Variants in DDR2 observed in about 807,000 individuals in gnomAD.
DDR2 encodes discoidin domain-containing receptor 2.
DDR2 carries 27 observed loss-of-function variants against 94.9 expected under a neutral mutation model. That is an observed-to-expected ratio of 0.28 (90% CI 0.21 to 0.39). DDR2 has a LOEUF of 0.39. Ranked by LOEUF, DDR2 falls within the 10% of genes least tolerant of loss-of-function variation. The pLI, the probability that DDR2 is intolerant of heterozygous loss-of-function variation, is 1.00. For missense variants in DDR2, 783 were observed against 1,076.0 expected (o/e 0.73, Z 3.81); for synonymous variants, 382 against 377.2 (o/e 1.01, Z -0.15).
At chr1:162,691,944 G>T (rs979122651) in intron 2 of DDR2, among the ~76,000 whole-genome samples, 7 of 152,144 alleles carry the variant, frequency 4.6e-5, no homozygotes, top group African/African-American at 1.4e-4. Context: ...CACATGGTAG[G>T]CTGCAAACAA....
Position 162,782,777 on chromosome 1 carries a change from T to C in DDR2, c.*2531T>C, listed in dbSNP as rs1331081146. Reference sequence around the variant, plus strand: ...AAAAAAATCATATTTAAAATGAACTTACAATGTCTGAATTTTCCTGGCCTT... The same window carrying C: ...AAAAAAATCATATTTAAAATGAACTCACAATGTCTGAATTTTCCTGGCCTT... On this transcript the variant is annotated 3_prime_UTR_variant, in exon 18 of 18. Transcript: ENST00000367921. The C allele has an allele frequency of 6.6e-6, 1 of 152,166 alleles. No homozygotes were observed. Among genetic ancestry groups the C allele is most frequent in the African/African-American group, 2.4e-5 (1 of 41,424 alleles). The allele number at this position is 152,166 out of a possible 1,614,324, so 9.4% of individuals were successfully genotyped here. A position where few individuals can be genotyped will look rare whatever the true frequency, so the allele number is the denominator to read the frequency against.
intron 2 of DDR2, among the ~76,000 whole-genome samples, chr1:162,701,105 T>C (rs1359499578): frequency 1.3e-5 from 2 of 150,466 alleles, no homozygotes; most frequent in Non-Finnish European, 2.9e-5. Flanking sequence ...AATTTACTAA[T>C]ATATGTTTGT....
At chr1:162,661,894 A>ACTT (rs1658311360) in intron 2 of DDR2, among the ~76,000 whole-genome samples, 1 of 152,182 alleles carries the variant, frequency 6.6e-6, no homozygotes, top group South Asian at 2.1e-4. Context: ...CTTTATTCTT[A>ACTT]CTTAGTTCCT....
In DDR2 at chr1:162,784,293, A is replaced by G. The variant is rs1403488606; in HGVS notation, c.*4047A>G. ...AACAGAACAGTGAATGTTTTGCCCAAAACTACAAAAATAAAAGAAAAAAAG... is the reference window on the plus strand; with the variant it reads ...AACAGAACAGTGAATGTTTTGCCCAGAACTACAAAAATAAAAGAAAAAAAG... On this transcript the variant is annotated 3_prime_UTR_variant, in exon 18 of 18. Transcript: ENST00000367921. 6.5e-6 allele frequency: 1 copy of G among 154,372 alleles called. No individual in the cohort carries two copies. Among genetic ancestry groups the G allele is most frequent in the Non-Finnish European group, 1.5e-5 (1 of 68,214 alleles). The allele number at this position is 154,372 out of a possible 1,614,324, so 9.6% of individuals were successfully genotyped here.
chr1:162,719,331 A>G lies in DDR2; in HGVS notation c.82+186A>G, dbSNP rs765698405. 109 of 718,074 alleles carry G rather than the reference A, an allele frequency of 1.5e-4. 1 individual carries two copies. Among genetic ancestry groups the G allele is most frequent in the Non-Finnish European group, 1.8e-4 (107 of 586,170 alleles). 44.5% of individuals were successfully genotyped at this position (718,074 alleles called of 1,614,324 possible). ...ATACTTTATATATATGTATTTTAAT[A>G]CTTACAACCTGTTGAATATTGTAAA... On this transcript the variant is annotated intron_variant, in intron 3 of 17. Transcript: ENST00000367921.
At chr1:162,708,908 T>A (rs558354126) in intron 2 of DDR2, among the ~76,000 whole-genome samples, 10 of 152,146 alleles carry the variant, frequency 6.6e-5, no homozygotes, top group Non-Finnish European at 1.2e-4. Flanking sequence ...TGCCCCTAAC[T>A]TGCAAATTTA....
chr1:162,731,625 G>A (rs1165672774), intron 3 of DDR2, among the ~76,000 whole-genome samples: 1 of 152,142 alleles, frequency 6.6e-6, no homozygotes, highest in Non-Finnish European at 1.5e-5. Context: ...CCTTTCTAAG[G>A]TCATAAAACC....
chr1:162,694,061 A>G (rs1463786854), intron 2 of DDR2, among the ~76,000 whole-genome samples: 1 of 152,130 alleles, frequency 6.6e-6, no homozygotes, highest in Non-Finnish European at 1.5e-5. Flanking sequence ...TTTTTAGTAG[A>G]GATGGGGTTT....
chr1:162,771,406 A>G (rs1005572148), intron 12 of DDR2, among the ~76,000 whole-genome samples: 8 of 152,218 alleles, frequency 5.3e-5, no homozygotes, highest in African/African-American at 1.9e-4. Flanking sequence ...GATAAAAGGA[A>G]ACTTGCATCT....
intron 2 of DDR2, among the ~76,000 whole-genome samples, chr1:162,706,822 AT>A (rs776820174): frequency 7.9e-5 from 12 of 152,112 alleles, no homozygotes; most frequent in Non-Finnish European, 1.8e-4. Flanking sequence ...GAACAAACAT[AT>A]TTTCTGCACT....
intron 1 of DDR2, among the ~76,000 whole-genome samples, chr1:162,650,297 A>AAAT (rs1553238420): frequency 9.9e-5 from 15 of 151,764 alleles, no homozygotes; most frequent in Non-Finnish European, 1.9e-4. Flanking sequence ...GTTAAAAAAA[A>AAAT]AATAATAATA....
At chr1:162,737,971 C>A (rs1212280777) in intron 3 of DDR2, among the ~76,000 whole-genome samples, 1 of 152,040 alleles carries the variant, frequency 6.6e-6, no homozygotes, top group Non-Finnish European at 1.5e-5. Flanking sequence ...TGAGAAGTGT[C>A]CGTTCATGAC....
intron 5 of DDR2, 58 bp downstream of exon 5, chr1:162,754,913 A>G (rs1663384458): frequency 6.3e-7 from 1 of 1,596,770 alleles, no homozygotes; most frequent in Admixed American, 1.7e-5. Flanking sequence ...GACTTAGGCT[A>G]GGAGAAGAAG....
chr1:162,722,263 T>A (rs963147279), intron 3 of DDR2, among the ~76,000 whole-genome samples: 1 of 152,132 alleles, frequency 6.6e-6, no homozygotes, highest in Non-Finnish European at 1.5e-5. Context: ...AGGCAGATGG[T>A]GTTAGTGGCA....
At chr1:162,638,011 A>G (rs572142376) in intron 1 of DDR2, among the ~76,000 whole-genome samples, 118 of 152,134 alleles carry the variant, frequency 7.8e-4, no homozygotes, top group Admixed American at 2.6e-3. Flanking sequence ...TTGGGACTGT[A>G]CTTTTTTTTA....
At chr1:162,671,257 A>G (rs1178838824) in intron 2 of DDR2, among the ~76,000 whole-genome samples, 2 of 152,172 alleles carry the variant, frequency 1.3e-5, no homozygotes, top group African/African-American at 2.4e-5. Context: ...TCATCAGCTC[A>G]GTTCCTACAG....
chr1:162,765,972 G>A, intron 9 of DDR2, 29 bp from the exon 10 acceptor site: 1 of 1,612,842 alleles, frequency 6.2e-7, no homozygotes, highest in Non-Finnish European at 8.5e-7. Flanking sequence ...TCTTCTCCCT[G>A]GCTCTGACTC....
At chr1:162,700,842 C>T (rs574721907) in intron 2 of DDR2, among the ~76,000 whole-genome samples, 3 of 152,194 alleles carry the variant, frequency 2.0e-5, no homozygotes, top group Non-Finnish European at 2.9e-5. Flanking sequence ...GTCTTAAAAC[C>T]GCTTATAGCT....
chr1:162,766,685 C>A (rs1301100996), intron 10 of DDR2, among the ~76,000 whole-genome samples: 1 of 152,086 alleles, frequency 6.6e-6, no homozygotes, highest in African/African-American at 2.4e-5. Flanking sequence ...CTGTCTGACA[C>A]ATGGAGAGGG....
Sources: gnomAD v4.1 joint callset for allele counts (sites outside exome capture counted in the v4.1 genomes callset) on GRCh38, gnomAD v4.1.1 for gene constraint, MANE v1.5 for transcripts, NCBI Gene and HGNC (gene_info 2026-07-23, HGNC 2026-07-21) for gene names.